Variants in COL27A1 observed in about 807,000 individuals in gnomAD.
The protein encoded by COL27A1 is collagen alpha-1(XXVII) chain.
A neutral mutation model predicts 251.3 loss-of-function variants in COL27A1; 106 were observed. The observed-to-expected ratio is 0.42, with a 90% CI of 0.36 to 0.50. The LOEUF is 0.50. COL27A1 is among the 20% of genes least tolerant of loss of function. The pLI is 0.00. For missense variants in COL27A1, 2,325 were observed against 2,522.8 expected, an observed-to-expected ratio of 0.92 and a Z score of 1.68; for synonymous variants, 1,000 against 986.3, an observed-to-expected ratio of 1.01 and a Z score of -0.26.
chr9:114,305,577 T>G (rs1318366213), intron 57 of COL27A1, among the ~76,000 whole-genome samples: 2 of 152,126 alleles, frequency 1.3e-5, no homozygotes, highest in Admixed American at 6.5e-5. Flanking sequence ...TTAATTGGCT[T>G]GTTGATGAGA....
At chr9:114,303,210 A>G (rs1828784083) in intron 56 of COL27A1, among the ~76,000 whole-genome samples, 1 of 151,354 alleles carries the variant, frequency 6.6e-6, no homozygotes, top group South Asian at 2.1e-4. Flanking sequence ...AGACACCATT[A>G]CAGGTGCTTT....
chr9:114,249,842 C>T (rs1458518325), intron 24 of COL27A1, among the ~76,000 whole-genome samples: 1 of 152,346 alleles, frequency 6.6e-6, no homozygotes, highest in East Asian at 1.9e-4. Context: ...TTCTGCACTC[C>T]TGAACCACAC....
At position 114,267,529 on chromosome 9, in the gene COL27A1, C is replaced by T. The variant is rs201303864; in HGVS notation, c.3473C>T (p.Pro1158Leu). 4.4e-5 allele frequency: 71 copies of T among 1,596,706 alleles called. No homozygotes were observed. In the East Asian group the frequency reaches 5.3e-4, roughly 12 times the overall value. ...GGGCCGCCTGGTGCAGTGGGAGAACCGGGCCTTCCTGGGGAAGCCGGGATG... is the reference window on the plus strand; with the variant it reads ...GGGCCGCCTGGTGCAGTGGGAGAACTGGGCCTTCCTGGGGAAGCCGGGATG... ...PKGPPGAVGEPGLPGEAGMKG... is the reference protein window; with the variant it reads ...PKGPPGAVGELGLPGEAGMKG... Residue 1158 changes from proline to leucine, a missense_variant, in exon 34 of 61, where the codon CCG becomes CTG. Pro to Leu is a moderately conservative substitution (Grantham distance 98). This residue lies in a region of COL27A1 where 662 missense variants were observed against 795.3 expected (regional missense o/e 0.83). Coordinates refer to ENST00000356083, the MANE Select transcript of COL27A1 (RefSeq NM_032888.4).
chr9:114,306,894 C>T (rs1829090860), intron 58 of COL27A1: 3 of 586,668 alleles, frequency 5.1e-6, no homozygotes, highest in Admixed American at 3.3e-5. Context: ...TGCAAAGAGA[C>T]AAGAGCTCTG....
At chr9:114,280,254 C>G (rs1835821166) in intron 37 of COL27A1, among the ~76,000 whole-genome samples, 1 of 151,796 alleles carries the variant, frequency 6.6e-6, no homozygotes, top group Admixed American at 6.6e-5. Flanking sequence ...CTCTGTCGCC[C>G]AGGCTGGAGT....
At chr9:114,163,679 C>G (rs539775087) in intron 2 of COL27A1, among the ~76,000 whole-genome samples, 40 of 152,350 alleles carry the variant, frequency 2.6e-4, no homozygotes, top group African/African-American at 9.6e-4. Context: ...CGCCGGGAGT[C>G]CCTGTGGCCT....
chr9:114,171,947 G>A (rs758508730), intron 3 of COL27A1, among the ~76,000 whole-genome samples: 24 of 152,272 alleles, frequency 1.6e-4, no homozygotes, highest in Admixed American at 5.9e-4. Context: ...GGCTCCCAGC[G>A]TGTTCCTGAA....
chr9:114,244,884 G>A (rs1209035858), intron 23 of COL27A1, among the ~76,000 whole-genome samples: 1 of 152,216 alleles, frequency 6.6e-6, no homozygotes, highest in Non-Finnish European at 1.5e-5. Context: ...AGCCATCTCA[G>A]CATGGGACAA....
At chr9:114,212,833 T>G (rs1434698287) in intron 12 of COL27A1, among the ~76,000 whole-genome samples, 2 of 152,240 alleles carry the variant, frequency 1.3e-5, no homozygotes, top group South Asian at 2.1e-4. Context: ...ATCTCTGTAT[T>G]GTGTGACACT....
At chr9:114,214,087 G>T (rs976196907) in intron 12 of COL27A1, among the ~76,000 whole-genome samples, 2 of 152,132 alleles carry the variant, frequency 1.3e-5, no homozygotes, top group African/African-American at 4.8e-5. Flanking sequence ...CTTCACATCG[G>T]CTGAGTCCCT....
intron 16 of COL27A1, among the ~76,000 whole-genome samples, chr9:114,234,911 A>G (rs13285781): frequency 6.8e-6 from 1 of 145,994 alleles, no homozygotes; most frequent in Non-Finnish European, 1.5e-5. Flanking sequence ...TACTAAAAAT[A>G]CAAAAAAAAA....
chr9:114,304,821 G>A (rs1828915193), intron 57 of COL27A1, 148 bp downstream of exon 57: 3 of 687,440 alleles, frequency 4.4e-6, no homozygotes, highest in East Asian at 5.4e-5. Flanking sequence ...CCACAAATGG[G>A]GGTTTGTACT....
At chr9:114,307,440 G>C (rs1345147318) in intron 58 of COL27A1, 3 of 536,678 alleles carry the variant, frequency 5.6e-6, no homozygotes, top group Non-Finnish European at 1.0e-5. Context: ...AGCAACATAG[G>C]CAAGTACTTA....
intron 18 of COL27A1, 57 bp from the exon 19 acceptor site, chr9:114,237,605 G>C (rs890555150): frequency 3.3e-5 from 47 of 1,422,590 alleles, no homozygotes; most frequent in Non-Finnish European, 4.5e-5. Context: ...AACGCAGGGG[G>C]TTCATGGAAG....
chr9:114,256,037 A>T (rs930748756), intron 27 of COL27A1, among the ~76,000 whole-genome samples: 6 of 152,174 alleles, frequency 3.9e-5, no homozygotes, highest in Non-Finnish European at 4.4e-5. Context: ...GAATGGTGAT[A>T]ACTATTTGTT....
chr9:114,230,792 G>A lies in COL27A1; in HGVS notation c.2467-287G>A, dbSNP rs749176200. Among the ~76,000 whole-genome samples the A allele has an allele frequency of 2.5e-4, 38 of 152,308 alleles. No individual in the cohort carries two copies. The Middle Eastern group carries it at 0.017, about 68-fold the overall frequency. Reference sequence around the variant, plus strand: ...ATGAAAAGCCCTTTATCCCTGATACGGGGTAAAGAATCAGATATAGGAGAG... The same window carrying A: ...ATGAAAAGCCCTTTATCCCTGATACAGGGTAAAGAATCAGATATAGGAGAG... On this transcript the variant is annotated intron_variant, in intron 14 of 60. Coordinates refer to ENST00000356083, the MANE Select transcript of COL27A1 (RefSeq NM_032888.4).
chr9:114,285,850 C>T (rs1827441012), intron 41 of COL27A1, among the ~76,000 whole-genome samples: 2 of 152,230 alleles, frequency 1.3e-5, no homozygotes, highest in Admixed American at 1.3e-4. Context: ...GCATCTGCAG[C>T]TCTAGAAGCA....
At chr9:114,269,343 T>C in intron 35 of COL27A1, 49 bp downstream of exon 35, 1 of 1,415,230 alleles carries the variant, frequency 7.1e-7, no homozygotes, top group Non-Finnish European at 9.8e-7. Flanking sequence ...GGTGTGTGGG[T>C]GCCGCAGGGG....
At chr9:114,283,611 G>C in intron 39 of COL27A1, 98 bp from the exon 40 acceptor site, 1 of 1,101,804 alleles carries the variant, frequency 9.1e-7, no homozygotes, top group Non-Finnish European at 1.4e-6. Context: ...GATGTGCCAG[G>C]CTGCTGGGCG....
Sources: allele counts gnomAD v4.1 joint callset (sites outside exome capture counted in the v4.1 genomes callset), GRCh38; gene constraint gnomAD v4.1.1; regional missense constraint gnomAD v4.1.1; transcripts MANE v1.5; gene names NCBI Gene and HGNC (gene_info 2026-07-23, HGNC 2026-07-21).